The following DNAJB4 variants were observed in gnomAD, a reference collection of about 807,000 sequenced individuals.
DNAJB4 encodes dnaJ homolog subfamily B member 4.
In DNAJB4, 10 loss-of-function variants were observed where a neutral mutation model predicts 26.6. That is an observed-to-expected ratio of 0.38 (90% CI 0.23 to 0.64). DNAJB4 has a LOEUF of 0.64. Among genes scored for constraint, DNAJB4 ranks in the 30% least tolerant of loss-of-function variants. The probability of loss-of-function intolerance (pLI) is 0.58; values close to 1 mark genes in which losing one functional copy is unlikely to be tolerated. For missense variants in DNAJB4, 328 were observed against 408.2 expected (o/e 0.80, Z 1.69); for synonymous variants, 136 against 134.8 (o/e 1.01, Z -0.06).
At chr1:78,015,098 C>T (rs1660599435) in intron 2 of DNAJB4, among the ~76,000 whole-genome samples, 2 of 152,192 alleles carry the variant, frequency 1.3e-5, no homozygotes, top group Admixed American at 1.3e-4. Context: ...TTACACTATA[C>T]AGTATTATAA....
intron 1 of DNAJB4, among the ~76,000 whole-genome samples, chr1:78,006,815 T>C (rs1394019747): frequency 6.6e-6 from 1 of 152,238 alleles, no homozygotes. Flanking sequence ...AATAATGTAC[T>C]ACTATTTCTA....
At chr1:77,986,050 ATCAT>A (rs1236204892) in intron 1 of DNAJB4, among the ~76,000 whole-genome samples, 2 of 152,152 alleles carry the variant, frequency 1.3e-5, no homozygotes, top group African/African-American at 4.8e-5. Flanking sequence ...GATCAGATAG[ATCAT>A]TCATTCATTA....
intron 2 of DNAJB4, among the ~76,000 whole-genome samples, chr1:78,014,010 G>A (rs1055085156): frequency 3.3e-5 from 5 of 151,534 alleles, no homozygotes; most frequent in Admixed American, 2.0e-4. Context: ...CTACAAATTT[G>A]TATACATTTA....
intron 1 of DNAJB4, among the ~76,000 whole-genome samples, chr1:77,989,742 A>C (rs944950759): frequency 2.0e-5 from 3 of 152,186 alleles, no homozygotes; most frequent in Non-Finnish European, 4.4e-5. Context: ...CAAGTAAGAG[A>C]ATCTCTTAAG....
chr1:77,998,065 G>A (rs754094927), intron 1 of DNAJB4, among the ~76,000 whole-genome samples: 1 of 152,126 alleles, frequency 6.6e-6, no homozygotes, highest in Non-Finnish European at 1.5e-5. Context: ...GTGAGCCACC[G>A]CACCGGCCTC....
Position 78,016,287 on chromosome 1 carries a change from A to G in DNAJB4, c.*40A>G. On this transcript the variant is annotated 3_prime_UTR_variant, in exon 3 of 3. Transcript: ENST00000370763. The stretch of plus-strand genomic sequence containing the variant: ...TTACACATATTTTGATAAGGCACTG[A>G]AAATATAAAAGGACTGGTAGTTTAC... 1 of 1,542,114 alleles carries G rather than the reference A, an allele frequency of 6.5e-7. No individual in the cohort carries two copies. Among genetic ancestry groups the G allele is most frequent in the South Asian group, 1.1e-5 (1 of 87,312 alleles).
intron 1 of DNAJB4, among the ~76,000 whole-genome samples, chr1:77,988,908 A>G (rs780392638): frequency 6.6e-5 from 10 of 152,194 alleles, no homozygotes; most frequent in African/African-American, 1.4e-4. Context: ...CTTAATAAAA[A>G]TTTGTGAGTA....
At chr1:77,980,917 A>G (rs1435022124) in intron 1 of DNAJB4, among the ~76,000 whole-genome samples, 1 of 152,234 alleles carries the variant, frequency 6.6e-6, no homozygotes, top group Non-Finnish European at 1.5e-5. Context: ...GTATGGGACT[A>G]CAGATTTAAT....
upstream of DNAJB4, among the ~76,000 whole-genome samples, chr1:78,001,260 A>G (rs545638814): frequency 5.3e-5 from 8 of 151,898 alleles, no homozygotes; most frequent in Non-Finnish European, 1.0e-4. Context: ...GGATCACTTG[A>G]GCCTAGGAGT....
chr1:77,981,652 A>T (rs1659651030), intron 1 of DNAJB4, among the ~76,000 whole-genome samples: 1 of 152,168 alleles, frequency 6.6e-6, no homozygotes, highest in Non-Finnish European at 1.5e-5. Context: ...GGAAAAATTA[A>T]TGCTTGAGAC....
intron 1 of DNAJB4, among the ~76,000 whole-genome samples, chr1:77,982,370 C>T (rs1323133873): frequency 6.6e-6 from 1 of 152,124 alleles, no homozygotes; most frequent in African/African-American, 2.4e-5. Flanking sequence ...TTTAGATAAT[C>T]AGTTCTTCTA....
At chr1:77,990,770 A>G (rs1028120714) in intron 1 of DNAJB4, among the ~76,000 whole-genome samples, 1 of 152,220 alleles carries the variant, frequency 6.6e-6, no homozygotes, top group Non-Finnish European at 1.5e-5. Flanking sequence ...TGGGCAAATT[A>G]TACAGATGCT....
intron 1 of DNAJB4, among the ~76,000 whole-genome samples, chr1:77,987,507 C>G (rs559240154): frequency 6.6e-6 from 1 of 152,266 alleles, no homozygotes; most frequent in East Asian, 1.9e-4. Context: ...TCAAGCAGTC[C>G]TTCTGCCTTG....
chr1:77,992,117 G>T (rs551050092), intron 1 of DNAJB4, among the ~76,000 whole-genome samples: 7 of 152,054 alleles, frequency 4.6e-5, no homozygotes, highest in Non-Finnish European at 1.0e-4. Flanking sequence ...GGGTTTTATA[G>T]AACATAACAA....
rs768785050 is a variant in DNAJB4, at chr1:78,005,263, T to G, written c.153T>G (p.Ala51=). The G allele has an allele frequency of 6.8e-6, 11 of 1,613,862 alleles. No individual in the cohort carries two copies. In the Admixed American group the frequency reaches 1.7e-4, roughly 24 times the overall value. The part of the protein sequence containing the change: ...AEEKFKEVAE[A]YEVLSDPKKR... ...AAAAATTTAAAGAGGTCGCAGAAGC[T>G]TATGAAGTATTGAGTGATCCTAAAA... is the stretch of plus-strand genomic sequence containing the variant. Residue 51 remains alanine (A), a synonymous_variant, in exon 1 of 3, where the codon GCT becomes GCG. Transcript: ENST00000370763.
intron 1 of DNAJB4, among the ~76,000 whole-genome samples, chr1:78,012,458 G>A (rs1415961437): frequency 6.6e-6 from 1 of 150,378 alleles, no homozygotes. Context: ...CTCTGCGCCC[G>A]GCCTTATTTT....
chr1:77,988,476 T>A (rs1659853366), intron 1 of DNAJB4, among the ~76,000 whole-genome samples: 1 of 152,226 alleles, frequency 6.6e-6, no homozygotes, highest in African/African-American at 2.4e-5. Flanking sequence ...CTGTATTGCA[T>A]CTGTTATTTC....
At chr1:78,012,508 A>G (rs1019527230) in intron 1 of DNAJB4, among the ~76,000 whole-genome samples, 82 of 151,882 alleles carry the variant, frequency 5.4e-4, no homozygotes, top group Non-Finnish European at 9.3e-4. Context: ...ATCAGGAATA[A>G]ATATTAGAGA....
chr1:78,015,518 C>CT (rs1297720646), intron 2 of DNAJB4, among the ~76,000 whole-genome samples: 2 of 64,194 alleles, frequency 3.1e-5, no homozygotes, highest in Non-Finnish European at 6.7e-5. Flanking sequence ...TTTTTCTTTT[C>CT]TTTTCTTTTT....
Sources: gnomAD v4.1 joint callset for allele counts (sites outside exome capture counted in the v4.1 genomes callset) on GRCh38, gnomAD v4.1.1 for gene constraint, MANE v1.5 for transcripts, NCBI Gene and HGNC (gene_info 2026-07-23, HGNC 2026-07-21) for gene names.